SLC26A7: variants seen among roughly 807,000 people sequenced by gnomAD.
SLC26A7 encodes anion exchange transporter.
In SLC26A7, 59 loss-of-function variants were observed where a neutral mutation model predicts 82.5. The ratio of observed to expected loss-of-function variants is 0.72; its 90% CI spans 0.58 to 0.89. SLC26A7 has a LOEUF of 0.89. SLC26A7 is among the 40% of genes least tolerant of loss of function. The pLI, the probability that SLC26A7 is intolerant of heterozygous loss-of-function variation, is 0.00. For missense variants in SLC26A7, 820 were observed against 793.0 expected (o/e 1.03, Z -0.41); for synonymous variants, 271 against 274.3 (o/e 0.99, Z 0.12).
Position 91,389,447 on chromosome 8 carries a change from G to T in SLC26A7, c.1776+9G>T. 1 of 1,592,038 alleles carries T rather than the reference G, an allele frequency of 6.3e-7. No homozygotes were observed. The highest frequency in any genetic ancestry group is 8.6e-7 in the Non-Finnish European group (1 of 1,159,994). On this transcript the variant is annotated intron_variant, in intron 16 of 18. Coordinates refer to ENST00000276609, the MANE Select transcript of SLC26A7 (RefSeq NM_052832.4). ...TCTCCATGCTTGTTGAGGTATTTAT[G>T]GAACTTGTGTTTAGAACTGTTTCTT...
At chr8:91,214,583 C>T (rs188806826) in intron 1 of SLC26A7, among the ~76,000 whole-genome samples, 2 of 152,110 alleles carry the variant, frequency 1.3e-5, no homozygotes, top group East Asian at 3.9e-4. Flanking sequence ...AATATGAGGC[C>T]TAAGGTAAGT....
At chr8:91,342,198 G>A (rs1563689177) in intron 8 of SLC26A7, among the ~76,000 whole-genome samples, 1 of 152,082 alleles carries the variant, frequency 6.6e-6, no homozygotes, top group Non-Finnish European at 1.5e-5. Flanking sequence ...CCAAAGTGCT[G>A]GGATTGCAGG....
chr8:91,391,960 C>T (rs888872991), intron 16 of SLC26A7, among the ~76,000 whole-genome samples: 1 of 152,160 alleles, frequency 6.6e-6, no homozygotes, highest in Non-Finnish European at 1.5e-5. Flanking sequence ...TGGTTACCTA[C>T]TCCCACTGAG....
chr8:91,211,914 T>A (rs941794404), intron 1 of SLC26A7, among the ~76,000 whole-genome samples: 1 of 152,078 alleles, frequency 6.6e-6, no homozygotes, highest in Non-Finnish European at 1.5e-5. Flanking sequence ...TTGCTTCTAT[T>A]CAGGTGAATG....
At chr8:91,298,295 T>A (rs543819473) in intron 4 of SLC26A7, among the ~76,000 whole-genome samples, 1 of 152,336 alleles carries the variant, frequency 6.6e-6, no homozygotes, top group Non-Finnish European at 1.5e-5. Flanking sequence ...ACTTCTTTAC[T>A]TGACTTATAT....
intron 5 of SLC26A7, among the ~76,000 whole-genome samples, chr8:91,323,921 G>A (rs1408965880): frequency 6.7e-6 from 1 of 149,926 alleles, no homozygotes; most frequent in Non-Finnish European, 1.5e-5. Flanking sequence ...CGGGTTCAAT[G>A]GTTCAAGCAA....
Position 91,329,235 on chromosome 8 carries a change from T to C in SLC26A7, c.643-5060T>C, listed in dbSNP as rs111429572. On this transcript the variant is annotated intron_variant, in intron 5 of 18. Transcript: ENST00000276609. ...TCTATTAAATAAGCATATGTAAATATGTGTGTGTGCATGTGTGCATGTCTA... is the reference window on the plus strand; with the variant it reads ...TCTATTAAATAAGCATATGTAAATACGTGTGTGTGCATGTGTGCATGTCTA... Among the ~76,000 whole-genome samples the C allele has an allele frequency of 2.2e-3, 224 of 103,994 alleles. 2 individuals are homozygous for C. The highest frequency in any genetic ancestry group is 0.01 in the African/African-American group (221 of 21,862). 68.2% of individuals were successfully genotyped at this position (103,994 alleles called of 152,430 possible).
intron 5 of SLC26A7, among the ~76,000 whole-genome samples, chr8:91,331,664 T>A (rs1380289071): frequency 6.6e-6 from 1 of 152,160 alleles, no homozygotes; most frequent in East Asian, 1.9e-4. Context: ...ATATACACAT[T>A]GTGAAATGAT....
At chr8:91,386,340 C>A (rs1040492667) in intron 15 of SLC26A7, among the ~76,000 whole-genome samples, 2 of 152,002 alleles carry the variant, frequency 1.3e-5, no homozygotes, top group East Asian at 1.9e-4. Context: ...TCTATTAATT[C>A]TTAATATTTA....
chr8:91,254,670 T>A lies in SLC26A7; in HGVS notation c.193+4826T>A, dbSNP rs910825062. Among the ~76,000 whole-genome samples the A allele has an allele frequency of 4.8e-4, 73 of 152,240 alleles. No homozygotes were observed. In the Middle Eastern group the frequency reaches 0.01, roughly 21 times the overall value. ...AATAAATAGGTATAATATAGAGATGTATAAAATAACATGTAGATGTATTAA... is the reference window on the plus strand; with the variant it reads ...AATAAATAGGTATAATATAGAGATGAATAAAATAACATGTAGATGTATTAA... On this transcript the variant is annotated intron_variant, in intron 2 of 18. Coordinates refer to ENST00000276609, the MANE Select transcript of SLC26A7 (RefSeq NM_052832.4).
At chr8:91,214,849 A>G (rs1487336423) in intron 1 of SLC26A7, among the ~76,000 whole-genome samples, 1 of 151,410 alleles carries the variant, frequency 6.6e-6, no homozygotes, top group Non-Finnish European at 1.5e-5. Context: ...GAAATTCAAC[A>G]TGGGTCTCAC....
rs1267369443 is a variant in SLC26A7 at position 91,220,401 on chromosome 8, C to A, written c.-34+1396C>A. 3.3e-5 allele frequency among the ~76,000 whole-genome samples: 5 copies of A among 150,032 alleles called. No homozygotes were observed. In the East Asian group the frequency reaches 9.8e-4, roughly 29 times the overall value. ...CTTTATTTCTTCTAAAAAAAAAAAA[C>A]TGGGATACATGTGCAGACCATGCAG... is the stretch of plus-strand genomic sequence containing the variant. On this transcript the variant is annotated intron_variant, in intron 2 of 5. Coordinates refer to the SLC26A7 transcript ENST00000522862.
chr8:91,349,181 T>C (rs1813647933), intron 9 of SLC26A7, among the ~76,000 whole-genome samples: 1 of 152,204 alleles, frequency 6.6e-6, no homozygotes, highest in Non-Finnish European at 1.5e-5. Flanking sequence ...TAGATGAACT[T>C]ATCTTTTGAC....
upstream of SLC26A7, among the ~76,000 whole-genome samples, chr8:91,248,437 G>C (rs563908933): frequency 2.6e-5 from 4 of 152,100 alleles, no homozygotes; most frequent in East Asian, 7.7e-4. Flanking sequence ...AAACAAATGG[G>C]CATTAAAAAG....
chr8:91,253,260 T>C (rs1810708444), intron 2 of SLC26A7, among the ~76,000 whole-genome samples: 1 of 152,122 alleles, frequency 6.6e-6, no homozygotes, highest in Non-Finnish European at 1.5e-5. Context: ...ACTTTTATAC[T>C]AGACTTCTTC....
intron 2 of SLC26A7, among the ~76,000 whole-genome samples, chr8:91,239,978 G>A (rs1384627610): frequency 1.3e-5 from 2 of 152,102 alleles, no homozygotes; most frequent in Non-Finnish European, 2.9e-5. Flanking sequence ...AATTATCTTA[G>A]CAACTAATGA....
intron 2 of SLC26A7, among the ~76,000 whole-genome samples, chr8:91,226,731 A>T (rs1810244973): frequency 6.6e-6 from 1 of 152,236 alleles, no homozygotes; most frequent in South Asian, 2.1e-4. Context: ...GTGAAGTAAA[A>T]GGGGATCCAG....
chr8:91,388,139 GT>G (rs886500433), intron 15 of SLC26A7, among the ~76,000 whole-genome samples: 17 of 151,668 alleles, frequency 1.1e-4, no homozygotes, highest in Non-Finnish European at 2.1e-4. Context: ...CAGGATTTTT[GT>G]TTTTTTTAGA....
chr8:91,223,004 A>G (rs535492051), intron 2 of SLC26A7, among the ~76,000 whole-genome samples: 33 of 152,104 alleles, frequency 2.2e-4, no homozygotes, highest in Non-Finnish European at 4.1e-4. Context: ...TACTGCTTCA[A>G]TTTCAGAACT....
Sources: allele counts gnomAD v4.1 joint callset (sites outside exome capture counted in the v4.1 genomes callset), GRCh38; gene constraint gnomAD v4.1.1; transcripts MANE v1.5; gene names NCBI Gene and HGNC (gene_info 2026-07-23, HGNC 2026-07-21).